HDAC9: variants seen among roughly 807,000 people sequenced by gnomAD.
HDAC9 encodes histone deacetylase 9.
In HDAC9, 41 loss-of-function variants were observed where a neutral mutation model predicts 139.4. The observed-to-expected ratio is 0.29, with a 90% CI of 0.23 to 0.38. HDAC9 has a LOEUF of 0.38. Among genes scored for constraint, HDAC9 ranks in the 10% least tolerant of loss-of-function variants. The probability of loss-of-function intolerance (pLI) is 1.00; values close to 1 mark genes in which losing one functional copy is unlikely to be tolerated. For synonymous variants in HDAC9, 517 were observed against 476.2 expected, an observed-to-expected ratio of 1.09 and a Z score of -1.12; for missense variants, 1,147 against 1,297.0, an observed-to-expected ratio of 0.88 and a Z score of 1.78.
At chr7:18,988,395 A>G (rs1447606463) in intron 25 of HDAC9, among the ~76,000 whole-genome samples, 3 of 151,912 alleles carry the variant, frequency 2.0e-5, no homozygotes, top group African/African-American at 7.2e-5. Flanking sequence ...CTTAATCCTG[A>G]GTTCTAGTTT....
intron 2 of HDAC9, among the ~76,000 whole-genome samples, chr7:18,558,429 A>G (rs1253045485): frequency 1.3e-5 from 2 of 152,166 alleles, no homozygotes; most frequent in Non-Finnish European, 2.9e-5. Context: ...AGCAGGGTTC[A>G]TTTCAAGACT....
intron 2 of HDAC9, among the ~76,000 whole-genome samples, chr7:18,193,559 G>A (rs6945251): frequency 0.35 from 53,312 of 152,098 alleles, 9,599 homozygotes; most frequent in South Asian, 0.54. Flanking sequence ...TTGGAAATCT[G>A]TTATGCCTTA....
intron 2 of HDAC9, among the ~76,000 whole-genome samples, chr7:18,206,966 C>T (rs1351256828): frequency 7.0e-6 from 1 of 142,632 alleles, no homozygotes; most frequent in East Asian, 2.0e-4. Context: ...GGCAGGTTCT[C>T]ACTTGGTTGC....
chr7:18,732,518 CTGTA>C (rs370138869), intron 13 of HDAC9, among the ~76,000 whole-genome samples: 78 of 143,784 alleles, frequency 5.4e-4, no homozygotes, highest in Non-Finnish European at 9.1e-4. Flanking sequence ...CATATATACA[CTGTA>C]TGTATGTGTA....
At chr7:18,239,540 T>C (rs1794049550) in intron 2 of HDAC9, among the ~76,000 whole-genome samples, 1 of 152,202 alleles carries the variant, frequency 6.6e-6, no homozygotes, top group Non-Finnish European at 1.5e-5. Flanking sequence ...GTTTTTTTCC[T>C]TCACCCGTAG....
At chr7:18,518,951 C>A (rs528135391) in intron 2 of HDAC9, among the ~76,000 whole-genome samples, 10 of 152,056 alleles carry the variant, frequency 6.6e-5, no homozygotes, top group Non-Finnish European at 1.5e-4. Context: ...GTCGTTTGCC[C>A]CTTGAAGCTA....
At chr7:18,252,926 C>G (rs1795010294) in intron 2 of HDAC9, among the ~76,000 whole-genome samples, 1 of 151,770 alleles carries the variant, frequency 6.6e-6, no homozygotes, top group Non-Finnish European at 1.5e-5. Flanking sequence ...CTTCCATCCT[C>G]CACCCCAGTG....
chr7:18,229,487 G>A (rs996890850), intron 2 of HDAC9, among the ~76,000 whole-genome samples: 3 of 152,176 alleles, frequency 2.0e-5, no homozygotes, highest in Non-Finnish European at 4.4e-5. Flanking sequence ...CTGATGTGCC[G>A]AAAGGTGCCT....
At chr7:18,325,095 G>A (rs549235729) in intron 1 of HDAC9, among the ~76,000 whole-genome samples, 5 of 152,116 alleles carry the variant, frequency 3.3e-5, no homozygotes, top group South Asian at 2.1e-4. Context: ...AGTTGAATCC[G>A]TTGCCTGAAA....
At chr7:18,964,294 A>C (rs181438327) in intron 24 of HDAC9, among the ~76,000 whole-genome samples, 22 of 152,242 alleles carry the variant, frequency 1.4e-4, no homozygotes, top group Admixed American at 1.2e-3. Context: ...ACTCCTATAC[A>C]TACTTCATAT....
intron 25 of HDAC9, among the ~76,000 whole-genome samples, chr7:18,980,771 C>G (rs1385883289): frequency 1.7e-5 from 2 of 117,964 alleles, no homozygotes; most frequent in East Asian, 2.4e-4. Flanking sequence ...TCTTCTTCTT[C>G]TTCTTCCTCT....
At chr7:18,837,633 A>T (rs1009800228) in intron 21 of HDAC9, among the ~76,000 whole-genome samples, 3 of 152,078 alleles carry the variant, frequency 2.0e-5, no homozygotes, top group African/African-American at 7.2e-5. Flanking sequence ...TCGTAATTCC[A>T]TTTGGGGTAC....
chr7:18,605,914 T>G (rs537588463), intron 6 of HDAC9, among the ~76,000 whole-genome samples: 1 of 152,110 alleles, frequency 6.6e-6, no homozygotes, highest in African/African-American at 2.4e-5. Flanking sequence ...TCTCCTGACC[T>G]TGTGATCTGC....
At chr7:18,719,334 T>TTTTTTTC (rs1784957903) in intron 12 of HDAC9, among the ~76,000 whole-genome samples, 1 of 111,284 alleles carries the variant, frequency 9.0e-6, no homozygotes, top group Non-Finnish European at 1.7e-5. Context: ...TCTCTTCCTT[T>TTTTTTTC]TTTTTTTTTT....
rs985368849 is a variant in HDAC9 at position 18,618,391 on chromosome 7, A to C, written c.665-10959A>C. Among the ~76,000 whole-genome samples the C allele has an allele frequency of 2.0e-5, 3 of 152,112 alleles. No homozygotes were observed. The South Asian group carries it at 6.2e-4, about 32-fold the overall frequency. The stretch of plus-strand genomic sequence containing the variant: ...AGATGAGGTTCATGCTGAGAGAACC[A>C]ATAAGTACAATAAAGTTTAGGTTTA... On this transcript the variant is annotated intron_variant, in intron 6 of 25. Coordinates refer to ENST00000686413, the MANE Select transcript of HDAC9 (RefSeq NM_178425.4).
rs1583703605 is a variant in HDAC9 at position 18,585,306 on chromosome 7, G to A, written c.48G>A (p.Val16=). 4 of 1,604,908 alleles carry A rather than the reference G, an allele frequency of 2.5e-6. No individual in the cohort carries two copies. Among genetic ancestry groups the A allele is most frequent in the Non-Finnish European group, 3.4e-6 (4 of 1,175,208 alleles). Reference sequence around the variant, plus strand: ...TGGATGTGAAGTCAGAAGTTCCTGTGGGCCTGGAGCCCATCTCACCTTTAG... The same window carrying A: ...TGGATGTGAAGTCAGAAGTTCCTGTAGGCCTGGAGCCCATCTCACCTTTAG... The part of the protein sequence containing the change: ...SSVDVKSEVP[V]GLEPISPLDL... Residue 16 remains valine, a synonymous_variant, in exon 3 of 26, where the codon GTG becomes GTA. Coordinates refer to ENST00000686413, the MANE Select transcript of HDAC9 (RefSeq NM_178425.4).
chr7:18,607,954 G>A (rs1046296043), intron 6 of HDAC9, among the ~76,000 whole-genome samples: 1 of 152,036 alleles, frequency 6.6e-6, no homozygotes, highest in Non-Finnish European at 1.5e-5. Flanking sequence ...TTTAGAACAG[G>A]CAGGACATTT....
intron 2 of HDAC9, among the ~76,000 whole-genome samples, chr7:18,259,048 C>G (rs1031956269): frequency 6.7e-6 from 1 of 149,980 alleles, no homozygotes; most frequent in African/African-American, 2.5e-5. Flanking sequence ...TGGCTCCCTG[C>G]AACCTCCGCC....
intron 11 of HDAC9, among the ~76,000 whole-genome samples, chr7:18,652,716 A>G (rs924972350): frequency 6.6e-6 from 1 of 152,082 alleles, no homozygotes; most frequent in Non-Finnish European, 1.5e-5. Context: ...TATCTTTATT[A>G]ATATCTGTTT....
Sources: gnomAD v4.1 joint callset for allele counts (sites outside exome capture counted in the v4.1 genomes callset) on GRCh38, gnomAD v4.1.1 for gene constraint, MANE v1.5 for transcripts, NCBI Gene and HGNC (gene_info 2026-07-23, HGNC 2026-07-21) for gene names.